SEMA6D: variants seen among roughly 807,000 people sequenced by gnomAD.
SEMA6D encodes semaphorin-6D.
Under a neutral mutation model 106.6 loss-of-function variants are expected in SEMA6D, and 35 were observed. The observed-to-expected ratio is 0.33, with a 90% CI of 0.25 to 0.44. The LOEUF (loss-of-function observed/expected upper bound fraction) is 0.44. Ranked by LOEUF, SEMA6D falls within the 20% of genes least tolerant of loss-of-function variation. The pLI, the probability that SEMA6D is intolerant of heterozygous loss-of-function variation, is 1.00. For synonymous variants in SEMA6D, 499 were observed against 487.7 expected (o/e 1.02, Z -0.31); for missense variants, 1,185 against 1,345.9 (o/e 0.88, Z 1.87).
At chr15:47,737,239 T>C (rs2080498976) in intron 1 of SEMA6D, among the ~76,000 whole-genome samples, 1 of 152,178 alleles carries the variant, frequency 6.6e-6, no homozygotes. Context: ...AGTTATCCTC[T>C]AGAATAATTA....
intron 3 of SEMA6D, among the ~76,000 whole-genome samples, chr15:47,473,490 C>T (rs542342607): frequency 6.6e-6 from 1 of 152,288 alleles, no homozygotes; most frequent in South Asian, 2.1e-4. Context: ...TCACATTACA[C>T]ACTCTGAAAG....
chr15:47,492,978 A>G (rs1362210568), intron 3 of SEMA6D, among the ~76,000 whole-genome samples: 6 of 152,156 alleles, frequency 3.9e-5, no homozygotes, highest in African/African-American at 7.2e-5. Context: ...ACAGCAGGAG[A>G]AACAAGAAAA....
intron 1 of SEMA6D, among the ~76,000 whole-genome samples, chr15:47,304,654 A>G (rs1019198872): frequency 8.5e-5 from 13 of 152,156 alleles, no homozygotes; most frequent in African/African-American, 2.9e-4. Flanking sequence ...ACACAAGTTA[A>G]TATTTCTTAT....
intron 3 of SEMA6D, among the ~76,000 whole-genome samples, chr15:47,496,893 A>G (rs569216365): frequency 6.6e-6 from 1 of 152,154 alleles, no homozygotes; most frequent in South Asian, 2.1e-4. Context: ...AAAGCCTTCA[A>G]AAATGAACAC....
intron 1 of SEMA6D, among the ~76,000 whole-genome samples, chr15:47,739,990 A>G (rs2080704949): frequency 6.6e-6 from 1 of 152,200 alleles, no homozygotes; most frequent in African/African-American, 2.4e-5. Context: ...TCTACTTTTA[A>G]TAGATGTGAA....
chr15:47,236,330 G>A (rs1179324528), intron 1 of SEMA6D, among the ~76,000 whole-genome samples: 2 of 152,034 alleles, frequency 1.3e-5, no homozygotes, highest in Admixed American at 6.6e-5. Flanking sequence ...CTGGCCAGAA[G>A]AAAGAGGATT....
chr15:47,378,844 T>C (rs570085331), intron 1 of SEMA6D, among the ~76,000 whole-genome samples: 3 of 152,348 alleles, frequency 2.0e-5, no homozygotes, highest in African/African-American at 7.2e-5. Flanking sequence ...TAAGTTTATA[T>C]CTTGCTTTCA....
chr15:47,698,762 G>A (rs1596671985), intron 4 of SEMA6D, among the ~76,000 whole-genome samples: 1 of 152,036 alleles, frequency 6.6e-6, no homozygotes, highest in Admixed American at 6.6e-5. Context: ...GAGTTCTGCT[G>A]CAGCCACAGC....
At chr15:47,689,446 A>C (rs180958004) in intron 4 of SEMA6D, among the ~76,000 whole-genome samples, 2 of 152,248 alleles carry the variant, frequency 1.3e-5, no homozygotes, top group African/African-American at 4.8e-5. Context: ...TAACTTTGTC[A>C]TGCTTAGCCA....
chr15:47,388,532 C>G (rs1160993535), intron 1 of SEMA6D, among the ~76,000 whole-genome samples: 3 of 152,106 alleles, frequency 2.0e-5, no homozygotes, highest in African/African-American at 7.2e-5. Context: ...GCAGGCACTA[C>G]CCACCTGTTA....
At position 47,457,305 on chromosome 15, in the gene SEMA6D, A is replaced by G. The variant is rs149450956; in HGVS notation, c.-158-13169A>G. On this transcript the variant is annotated intron_variant, in intron 2 of 19. Transcript: ENST00000558014. ...AATTCAAATGTCAAGCATCCAATAC[A>G]GACTTACTTATACACACAAAGAAGA... Among the ~76,000 whole-genome samples the G allele has an allele frequency of 6.1e-3, 925 of 152,126 alleles. 12 individuals carry two copies. Among genetic ancestry groups the G allele is most frequent in the African/African-American group, 0.021 (881 of 41,550 alleles).
chr15:47,229,733 T>C (rs1282266087), intron 1 of SEMA6D, among the ~76,000 whole-genome samples: 1 of 152,122 alleles, frequency 6.6e-6, no homozygotes, highest in East Asian at 1.9e-4. Flanking sequence ...TTGGTCTCCT[T>C]CTCCACTGCA....
intron 1 of SEMA6D, among the ~76,000 whole-genome samples, chr15:47,743,250 T>C (rs931348280): frequency 7.9e-5 from 12 of 152,258 alleles, no homozygotes; most frequent in African/African-American, 2.9e-4. Flanking sequence ...CATAATTTAA[T>C]GCTTAATTTA....
At chr15:47,651,810 A>G (rs1306945125) in intron 4 of SEMA6D, among the ~76,000 whole-genome samples, 1 of 152,166 alleles carries the variant, frequency 6.6e-6, no homozygotes, top group Non-Finnish European at 1.5e-5. Context: ...AATTGTTTCC[A>G]TTTAAGACTC....
intron 3 of SEMA6D, among the ~76,000 whole-genome samples, chr15:47,475,414 T>C (rs147942691): frequency 6.6e-6 from 1 of 152,212 alleles, no homozygotes; most frequent in Non-Finnish European, 1.5e-5. Context: ...GAATTCTAAC[T>C]GTAGAATCCT....
At chr15:47,532,821 A>G (rs994959564) in intron 3 of SEMA6D, among the ~76,000 whole-genome samples, 23 of 152,192 alleles carry the variant, frequency 1.5e-4, no homozygotes, top group African/African-American at 5.5e-4. Flanking sequence ...GTACAGCTGG[A>G]TACCAGGAAA....
chr15:47,664,110 A>G (rs1032523972), intron 4 of SEMA6D, among the ~76,000 whole-genome samples: 6 of 152,228 alleles, frequency 3.9e-5, no homozygotes, highest in Non-Finnish European at 7.3e-5. Flanking sequence ...AAAGCAAAAC[A>G]GTTTTCATCC....
chr15:47,763,000 T>C lies in SEMA6D; in HGVS notation c.659-16T>C, dbSNP rs1352506130. ...TTATCCTTTAGGAACCAGTTTGTTT[T>C]TAATTTTTCTTTCAGAGCCACACTT... On this transcript the variant is annotated splice_polypyrimidine_tract_variant and intron_variant, in intron 8 of 18. Coordinates refer to ENST00000536845, the MANE Select transcript of SEMA6D (RefSeq NM_001358351.3). 1 of 1,599,342 alleles carries C rather than the reference T, an allele frequency of 6.3e-7. No homozygotes were observed. The highest frequency in any genetic ancestry group is 1.3e-5 in the African/African-American group (1 of 74,318).
chr15:47,716,281 G>A (rs2079113699), upstream of SEMA6D, among the ~76,000 whole-genome samples: 1 of 152,162 alleles, frequency 6.6e-6, no homozygotes, highest in Admixed American at 6.5e-5. Context: ...TAGTTCTCCG[G>A]ATGAGTCCTG....
Sources: gnomAD v4.1 joint callset for allele counts (sites outside exome capture counted in the v4.1 genomes callset) on GRCh38, gnomAD v4.1.1 for gene constraint, MANE v1.5 for transcripts, NCBI Gene and HGNC (gene_info 2026-07-23, HGNC 2026-07-21) for gene names.